Variants in ADK observed in about 807,000 individuals in gnomAD.
ADK encodes adenosine kinase, also known as N6,N6-dimethyladenosine kinase.
In ADK, 24 loss-of-function variants were observed where a neutral mutation model predicts 44.7. The ratio of observed to expected loss-of-function variants is 0.54; its 90% CI spans 0.39 to 0.76. The LOEUF (loss-of-function observed/expected upper bound fraction) is 0.76. Ranked by LOEUF, ADK falls within the 30% of genes least tolerant of loss-of-function variation. The probability of loss-of-function intolerance (pLI) is 0.00; values close to 1 mark genes in which losing one functional copy is unlikely to be tolerated. For synonymous variants in ADK, 128 were observed against 142.6 expected (o/e 0.90, Z 0.73); for missense variants, 321 against 425.1 (o/e 0.76, Z 2.15).
rs202158123 is a variant in ADK at position 74,557,211 on chromosome 10, T to G, written c.726+31785T>G. 6.2e-4 allele frequency among the ~76,000 whole-genome samples: 95 copies of G among 152,324 alleles called. 2 individuals are homozygous for G. In the East Asian group the frequency reaches 0.015, roughly 23 times the overall value. On this transcript the variant is annotated intron_variant, in intron 7 of 10. Coordinates refer to ENST00000539909, the MANE Select transcript of ADK (RefSeq NM_006721.4). ...CGTGTAAGAAGTGATTCATAGGTCT[T>G]CAAACACAAATTAGTAAATTTAGGA...
intron 10 of ADK, among the ~76,000 whole-genome samples, chr10:74,671,384 G>A (rs1370401509): frequency 1.3e-5 from 2 of 151,990 alleles, no homozygotes; most frequent in Non-Finnish European, 2.9e-5. Context: ...TTTTAGTGGC[G>A]ACGGGGTTTC....
At chr10:74,447,942 G>T (rs995171069) in intron 6 of ADK, among the ~76,000 whole-genome samples, 1 of 152,200 alleles carries the variant, frequency 6.6e-6, no homozygotes, top group Non-Finnish European at 1.5e-5. Context: ...GGGAGGCTGA[G>T]GGGGGTGGAT....
At chr10:74,213,757 G>T (rs1843913803) in intron 2 of ADK, among the ~76,000 whole-genome samples, 1 of 152,146 alleles carries the variant, frequency 6.6e-6, no homozygotes. Flanking sequence ...GATGTCAGTG[G>T]CGCCCTCTGC....
At chr10:74,566,174 C>T (rs1850659953) in intron 7 of ADK, among the ~76,000 whole-genome samples, 1 of 142,888 alleles carries the variant, frequency 7.0e-6, no homozygotes, top group African/African-American at 2.6e-5. Context: ...CATCTGGCCT[C>T]TTCATGTTTT....
rs35285709 is a variant in ADK, at chr10:74,505,517, CTT to C, written c.556-19722_556-19721del. 4.9e-3 allele frequency among the ~76,000 whole-genome samples: 645 copies of C among 131,288 alleles called. 5 individuals are homozygous for C. The highest frequency in any genetic ancestry group is 0.012 in the Admixed American group (154 of 13,222). The allele number at this position is 131,288 out of a possible 152,430, so 86.1% of individuals were successfully genotyped here. A position where few individuals can be genotyped will look rare whatever the true frequency, so the allele number is the denominator to read the frequency against. ...CTTGAAACTCTTCAACTTCCCCCCA[CTT>C]TTTTTTTTTTTTTTTTGCCATATCC... On this transcript the variant is annotated intron_variant, in intron 6 of 10. Transcript: ENST00000539909.
intron 1 of ADK, among the ~76,000 whole-genome samples, chr10:74,188,343 A>ATTTTTTT (rs765922880): frequency 3.6e-4 from 29 of 81,360 alleles, no homozygotes; most frequent in East Asian, 9.8e-4. Context: ...TGTATTTTTA[A>ATTTTTTT]TTTTTTTTTT....
At chr10:74,494,544 A>G (rs1847609957) in intron 6 of ADK, among the ~76,000 whole-genome samples, 2 of 152,310 alleles carry the variant, frequency 1.3e-5, no homozygotes, top group Non-Finnish European at 2.9e-5. Context: ...CCATACACAT[A>G]TCTTCCAATA....
intron 6 of ADK, among the ~76,000 whole-genome samples, chr10:74,495,692 C>G (rs977323604): frequency 2.0e-5 from 3 of 152,138 alleles, no homozygotes; most frequent in Non-Finnish European, 4.4e-5. Context: ...GAGTCTGAAG[C>G]CTTTCCAGTT....
chr10:74,689,249 AAAATAAAT>A (rs751466168), intron 10 of ADK, among the ~76,000 whole-genome samples: 28 of 151,988 alleles, frequency 1.8e-4, no homozygotes, highest in African/African-American at 4.6e-4. Flanking sequence ...ACTCTATCTC[AAAATAAAT>A]AAATAAATAA....
chr10:74,306,288 T>G (rs1400789179), intron 3 of ADK, among the ~76,000 whole-genome samples: 2 of 152,132 alleles, frequency 1.3e-5, no homozygotes, highest in African/African-American at 4.8e-5. Flanking sequence ...AATTCTAATA[T>G]TTTTATTTTA....
chr10:74,367,296 ACTT>A (rs1366932216), intron 4 of ADK, among the ~76,000 whole-genome samples: 2 of 152,142 alleles, frequency 1.3e-5, no homozygotes, highest in African/African-American at 2.4e-5. Context: ...GCTTTAAAAA[ACTT>A]CTTTGCCTAG....
intron 7 of ADK, among the ~76,000 whole-genome samples, chr10:74,533,181 T>C (rs1239849759): frequency 2.0e-5 from 3 of 152,172 alleles, no homozygotes; most frequent in Non-Finnish European, 2.9e-5. Flanking sequence ...ATATATCATG[T>C]TCATAGATTA....
intron 2 of ADK, among the ~76,000 whole-genome samples, chr10:74,203,109 T>A (rs1324676260): frequency 6.6e-6 from 1 of 152,232 alleles, no homozygotes; most frequent in East Asian, 1.9e-4. Flanking sequence ...TTGATCAATT[T>A]TGAGTTAATT....
At chr10:74,345,058 A>G (rs1040669039) in intron 4 of ADK, among the ~76,000 whole-genome samples, 1 of 152,226 alleles carries the variant, frequency 6.6e-6, no homozygotes, top group African/African-American at 2.4e-5. Flanking sequence ...GTTCATTAGA[A>G]TTCAATAGTG....
intron 9 of ADK, among the ~76,000 whole-genome samples, chr10:74,634,955 A>T (rs1026073017): frequency 6.6e-6 from 1 of 152,166 alleles, no homozygotes; most frequent in Non-Finnish European, 1.5e-5. Flanking sequence ...CAGAAAAAAA[A>T]CCCACAAAAA....
At chr10:74,410,246 A>G (rs1164599239) in intron 6 of ADK, among the ~76,000 whole-genome samples, 1 of 152,208 alleles carries the variant, frequency 6.6e-6, no homozygotes, top group Non-Finnish European at 1.5e-5. Context: ...TTTCATGCTC[A>G]GAATTTAGAA....
At chr10:74,649,624 CAA>C (rs780181544) in intron 9 of ADK, among the ~76,000 whole-genome samples, 3 of 132,290 alleles carry the variant, frequency 2.3e-5, no homozygotes, top group Non-Finnish European at 1.6e-5. Context: ...GACTCTATAT[CAA>C]AAAAAAAAAA....
intron 10 of ADK, among the ~76,000 whole-genome samples, chr10:74,682,575 C>CTT (rs11298231): frequency 2.3e-5 from 3 of 133,024 alleles, no homozygotes; most frequent in African/African-American, 5.9e-5. Flanking sequence ...CTTTTCTTTT[C>CTT]TTTTTTTTTT....
At chr10:74,660,729 C>CAAAA (rs747443907) in intron 9 of ADK, among the ~76,000 whole-genome samples, 34 of 92,832 alleles carry the variant, frequency 3.7e-4, no homozygotes, top group African/African-American at 1.5e-3. Flanking sequence ...GACCCTGTCT[C>CAAAA]AAAAAAAAAA....
Sources: gnomAD v4.1 joint callset for allele counts (sites outside exome capture counted in the v4.1 genomes callset) on GRCh38, gnomAD v4.1.1 for gene constraint, MANE v1.5 for transcripts, NCBI Gene and HGNC (gene_info 2026-07-23, HGNC 2026-07-21) for gene names.